The following ATP2C1 variants were observed in gnomAD, a reference collection of about 807,000 sequenced individuals.
ATP2C1 encodes calcium-transporting ATPase type 2C member 1.
Under a neutral mutation model 120.5 loss-of-function variants are expected in ATP2C1, and 31 were observed. The observed-to-expected ratio is 0.26, with a 90% CI of 0.19 to 0.35. ATP2C1 has a LOEUF of 0.35. ATP2C1 is among the 10% of genes least tolerant of loss of function. The pLI is 1.00. For missense variants in ATP2C1, 731 were observed against 1,107.5 expected, an observed-to-expected ratio of 0.66 and a Z score of 4.83; for synonymous variants, 351 against 358.7, an observed-to-expected ratio of 0.98 and a Z score of 0.24.
At chr3:130,993,706 A>T in intron 21 of ATP2C1, among the ~76,000 whole-genome samples, 1 of 152,348 alleles carries the variant, frequency 6.6e-6, no homozygotes, top group Middle Eastern at 3.4e-3. Flanking sequence ...TGAAGAACAG[A>T]ATTTAGAGAT....
chr3:130,997,442 T>A (rs2062678823), intron 24 of ATP2C1, among the ~76,000 whole-genome samples, 164 bp from the exon 25 acceptor site: 1 of 152,138 alleles, frequency 6.6e-6, no homozygotes, highest in Admixed American at 6.5e-5. Flanking sequence ...AGTGACAAAA[T>A]CAGTGGTTAT....
chr3:130,897,976 A>G (rs1466603237), intron 2 of ATP2C1, among the ~76,000 whole-genome samples: 3 of 152,142 alleles, frequency 2.0e-5, no homozygotes, highest in African/African-American at 7.2e-5. Flanking sequence ...AACAGCTCTT[A>G]CCTGATTTTT....
Position 131,016,264 on chromosome 3 carries a change from A to G in ATP2C1, c.*75A>G, listed in dbSNP as rs1039057698. On this transcript the variant is annotated 3_prime_UTR_variant, in exon 27 of 27. Coordinates refer to the ATP2C1 transcript ENST00000328560. ...TGTGTCTAAGTCCAGTCTTGTGCCC[A>G]GCCGTGTCTGCGCCTTCACTCTTTG... 1.7e-5 allele frequency: 28 copies of G among 1,614,064 alleles called. No homozygotes were observed. The highest frequency in any genetic ancestry group is 2.3e-5 in the Non-Finnish European group (27 of 1,180,044).
chr3:130,898,429 T>C (rs145041442), intron 2 of ATP2C1, among the ~76,000 whole-genome samples: 261 of 152,330 alleles, frequency 1.7e-3, no homozygotes, highest in African/African-American at 5.8e-3. Context: ...CTTAATTTTA[T>C]TCCTTTAACT....
Position 130,894,495 on chromosome 3 carries a change from G to A in ATP2C1, c.-180-95G>A. The A allele has an allele frequency of 7.2e-7, 1 of 1,381,876 alleles. No homozygotes were observed. The highest frequency in any genetic ancestry group is 9.4e-7 in the Non-Finnish European group (1 of 1,067,518). The allele number at this position is 1,381,876 out of a possible 1,614,324, so 85.6% of individuals were successfully genotyped here. A position where few individuals can be genotyped will look rare whatever the true frequency, so the allele number is the denominator to read the frequency against. On this transcript the variant is annotated intron_variant, in intron 1 of 27. Transcript: ENST00000510168. This position sits in a 1 kb window ranked among gnomAD's most constrained non-coding sequence, Gnocchi z 4.5. ...GCGGGCACACGACGGGGCGGGTGCG[G>A]GATCTTGGGGAGGGGGGCTCCCGAG...
chr3:130,919,226 C>CT (rs199758815), intron 2 of ATP2C1: 2,667 of 160,386 alleles, frequency 0.017, 6 homozygotes, highest in South Asian at 0.052. Flanking sequence ...TTCTTTCTTT[C>CT]TTTCTTTTTT....
upstream of ATP2C1, among the ~76,000 whole-genome samples, chr3:130,890,138 C>T (rs1189115850): frequency 1.3e-5 from 2 of 151,946 alleles, no homozygotes; most frequent in Non-Finnish European, 2.9e-5. Context: ...TGTTTTGGGG[C>T]CAGAGGTGAA....
chr3:130,920,442 T>C (rs1397464845), intron 2 of ATP2C1, among the ~76,000 whole-genome samples: 3 of 152,218 alleles, frequency 2.0e-5, no homozygotes, highest in Non-Finnish European at 2.9e-5. Flanking sequence ...CTTTCCTCAT[T>C]GTATATTCTT....
intron 26 of ATP2C1, among the ~76,000 whole-genome samples, chr3:131,009,525 T>C (rs1227177067): frequency 6.6e-6 from 1 of 152,226 alleles, no homozygotes; most frequent in Non-Finnish European, 1.5e-5. Flanking sequence ...AATACTTCTT[T>C]CATGTATTAT....
At chr3:130,935,002 T>A (rs1481006390) in intron 5 of ATP2C1, among the ~76,000 whole-genome samples, 4 of 152,156 alleles carry the variant, frequency 2.6e-5, no homozygotes, top group Non-Finnish European at 5.9e-5. Context: ...CCAGCAATTT[T>A]AAAATTTTTT....
Position 130,878,582 on chromosome 3 carries a change from A to C in ATP2C1, c.108+27654A>C, listed in dbSNP as rs576015118. On this transcript the variant is annotated intron_variant, in intron 1 of 26. Coordinates refer to the ATP2C1 transcript ENST00000504381. ...TTAAGCATTTTTTGGAGGGGTATTG[A>C]TGAGTTTCCTGTTTTTGGTTTCTGG... is the stretch of plus-strand genomic sequence containing the variant. 4.6e-5 allele frequency among the ~76,000 whole-genome samples: 7 copies of C among 152,240 alleles called. No individual in the cohort carries two copies. In the East Asian group the frequency reaches 1.4e-3, roughly 29 times the overall value.
chr3:130,978,025 C>T (rs1560002939), intron 18 of ATP2C1, among the ~76,000 whole-genome samples: 3 of 152,172 alleles, frequency 2.0e-5, no homozygotes, highest in Admixed American at 2.0e-4. Flanking sequence ...CAAATAAATA[C>T]AGGATACTAA....
intron 11 of ATP2C1, among the ~76,000 whole-genome samples, chr3:130,958,910 A>G (rs2060695735): frequency 6.6e-6 from 1 of 152,162 alleles, no homozygotes; most frequent in Non-Finnish European, 1.5e-5. Flanking sequence ...TAGAAGACCT[A>G]TATGTTTGCT....
At chr3:130,966,994 C>T in intron 14 of ATP2C1, 151 bp from the exon 15 acceptor site, 1 of 691,218 alleles carries the variant, frequency 1.4e-6, no homozygotes, top group Non-Finnish European at 2.6e-6. Flanking sequence ...TTTTTAAAGA[C>T]AAATTTTAAT....
chr3:130,941,508 C>A, intron 7 of ATP2C1, 83 bp from the exon 8 acceptor site: 1 of 1,131,430 alleles, frequency 8.8e-7, no homozygotes, highest in Non-Finnish European at 1.3e-6. Flanking sequence ...TTTCCTCAGA[C>A]AAGCCTACTG....
Position 130,992,923 on chromosome 3 carries a change from A to G in ATP2C1, c.1840-28A>G, listed in dbSNP as rs369673514. 38 of 1,587,178 alleles carry G rather than the reference A, an allele frequency of 2.4e-5. No individual in the cohort carries two copies. The African/African-American group carries it at 4.4e-4, about 19-fold the overall frequency. On this transcript the variant is annotated intron_variant, in intron 20 of 27. Transcript: ENST00000510168. ...TTCTGTAGAAATCTTAATATTGAAG[A>G]TTTTTAGTGTATCTTGTATTTTAAC... is the stretch of plus-strand genomic sequence containing the variant.
intron 17 of ATP2C1, among the ~76,000 whole-genome samples, chr3:130,971,320 T>A (rs2061308469): frequency 6.6e-6 from 1 of 152,218 alleles, no homozygotes; most frequent in African/African-American, 2.4e-5. Context: ...TGGCAGGATA[T>A]GTTTGGAAAC....
At chr3:130,953,272 A>C (rs1353756316) in intron 8 of ATP2C1, among the ~76,000 whole-genome samples, 1 of 152,134 alleles carries the variant, frequency 6.6e-6, no homozygotes, top group African/African-American at 2.4e-5. Flanking sequence ...TATGATCTGC[A>C]TGAAAGCATT....
chr3:130,946,867 T>C (rs2108497747), intron 8 of ATP2C1, among the ~76,000 whole-genome samples: 1 of 152,382 alleles, frequency 6.6e-6, no homozygotes, highest in African/African-American at 2.4e-5. Flanking sequence ...GAAATCAGTC[T>C]GTTATGAAAC....
Sources: allele counts gnomAD v4.1 joint callset (sites outside exome capture counted in the v4.1 genomes callset), GRCh38; gene constraint gnomAD v4.1.1; non-coding constraint Gnocchi (gnomAD v3.1); transcripts MANE v1.5; gene names NCBI Gene and HGNC (gene_info 2026-07-23, HGNC 2026-07-21).